Variants in PREP observed in about 807,000 individuals in gnomAD.
The protein encoded by PREP is prolyl endopeptidase, also known as dJ355L5.1 (prolyl endopeptidase).
PREP carries 29 observed loss-of-function variants against 87.6 expected under a neutral mutation model. The ratio of observed to expected loss-of-function variants is 0.33; its 90% CI spans 0.25 to 0.45. The LOEUF (loss-of-function observed/expected upper bound fraction) is 0.45. Among genes scored for constraint, PREP ranks in the 20% least tolerant of loss-of-function variants. The pLI is 1.00. For missense variants in PREP, 695 were observed against 886.5 expected (o/e 0.78, Z 2.74); for synonymous variants, 337 against 328.6 (o/e 1.03, Z -0.28).
chr6:105,306,116 T>G (rs947642730), intron 10 of PREP, among the ~76,000 whole-genome samples: 1 of 152,170 alleles, frequency 6.6e-6, no homozygotes, highest in Non-Finnish European at 1.5e-5. Context: ...GTGCTGGGAT[T>G]ACAAGCGTGA....
At chr6:105,357,167 C>T (rs1211066532) in intron 6 of PREP, among the ~76,000 whole-genome samples, 1 of 152,162 alleles carries the variant, frequency 6.6e-6, no homozygotes, top group South Asian at 2.1e-4. Context: ...CAATTATAAT[C>T]TTATTAATAT....
intron 2 of PREP, among the ~76,000 whole-genome samples, chr6:105,390,208 CG>C (rs34721799): frequency 6.6e-6 from 1 of 152,074 alleles, no homozygotes; most frequent in African/African-American, 2.4e-5. Context: ...GCAGGTGTAA[CG>C]GGGTCACTTC....
intron 2 of PREP, among the ~76,000 whole-genome samples, chr6:105,392,527 T>C (rs925618860): frequency 7.2e-5 from 11 of 152,268 alleles, no homozygotes; most frequent in Non-Finnish European, 1.5e-4. Flanking sequence ...ACTTTTGGCG[T>C]TTAGTTTGTA....
Position 105,369,458 on chromosome 6 carries a change from G to A in PREP, c.596-434C>T, listed in dbSNP as rs115848309. 5.2e-3 allele frequency among the ~76,000 whole-genome samples: 794 copies of A among 152,300 alleles called. 10 individuals carry two copies. The highest frequency in any genetic ancestry group is 0.017 in the African/African-American group (721 of 41,558). Reference sequence around the variant, plus strand: ...AACATATTTTGTGGATTGACAAACTGATTCTAAAGTTCACATGCAAAGGCA... The same window carrying A: ...AACATATTTTGTGGATTGACAAACTAATTCTAAAGTTCACATGCAAAGGCA... On this transcript the variant is annotated intron_variant, in intron 5 of 14. Transcript: ENST00000652536.
intron 14 of PREP, chr6:105,280,550 A>T (rs1770056749): frequency 6.6e-6 from 1 of 152,220 alleles, no homozygotes; most frequent in Non-Finnish European, 1.5e-5. Context: ...AGTTTCAAAC[A>T]TATGTAGCTA....
At chr6:105,383,413 G>T (rs145909823) in intron 2 of PREP, among the ~76,000 whole-genome samples, 2 of 152,124 alleles carry the variant, frequency 1.3e-5, no homozygotes, top group Non-Finnish European at 2.9e-5. Context: ...CTCACCACAT[G>T]AAGTGCTTTC....
At chr6:105,315,577 CCTTTGGAA>C (rs978122432) in intron 10 of PREP, among the ~76,000 whole-genome samples, 2 of 152,284 alleles carry the variant, frequency 1.3e-5, no homozygotes, top group Admixed American at 1.3e-4. Context: ...ATCAACCTGT[CCTTTGGAA>C]CTTTGGAACT....
intron 10 of PREP, 120 bp downstream of exon 10, chr6:105,323,545 C>G (rs1382441008): frequency 2.2e-6 from 2 of 901,524 alleles, no homozygotes; most frequent in African/African-American, 3.3e-5. Flanking sequence ...ACCGTGGGGG[C>G]TACAAAATAC....
At chr6:105,332,249 G>C (rs568535505) in intron 8 of PREP, among the ~76,000 whole-genome samples, 5 of 152,220 alleles carry the variant, frequency 3.3e-5, no homozygotes, top group African/African-American at 1.2e-4. Flanking sequence ...AGTGCCCATA[G>C]CAACCTGTGA....
intron 7 of PREP, among the ~76,000 whole-genome samples, chr6:105,349,155 C>T (rs192997370): frequency 6.6e-6 from 1 of 152,234 alleles, no homozygotes; most frequent in African/African-American, 2.4e-5. Flanking sequence ...TAAGAAGGAG[C>T]AATTGCCAGC....
intron 3 of PREP, among the ~76,000 whole-genome samples, 176 bp downstream of exon 3, chr6:105,377,210 C>G (rs1268945334): frequency 6.6e-6 from 1 of 152,094 alleles, no homozygotes; most frequent in Non-Finnish European, 1.5e-5. Flanking sequence ...ATTATTTTAA[C>G]AATTTGGACA....
Position 105,375,340 on chromosome 6 carries a change from A to T in PREP, c.385+785T>A, listed in dbSNP as rs151149329. On this transcript the variant is annotated intron_variant, in intron 4 of 14. Transcript: ENST00000652536. Reference sequence around the variant, plus strand: ...AACTAATCATATGGTTTTTTCTATAAAACCAGAAGGTACTACAGGAGAAAT... The same window carrying T: ...AACTAATCATATGGTTTTTTCTATATAACCAGAAGGTACTACAGGAGAAAT... Among the ~76,000 whole-genome samples the T allele has an allele frequency of 6.3e-4, 96 of 152,324 alleles. No homozygotes were observed. The East Asian group carries it at 0.018, about 28-fold the overall frequency.
intron 10 of PREP, among the ~76,000 whole-genome samples, chr6:105,299,933 G>A (rs932188033): frequency 3.4e-5 from 5 of 148,086 alleles, no homozygotes; most frequent in African/African-American, 1.0e-4. Flanking sequence ...ATCTCACTCT[G>A]TTGTCCAGGC....
chr6:105,344,055 TA>T (rs1383865828), intron 7 of PREP, among the ~76,000 whole-genome samples: 1 of 152,192 alleles, frequency 6.6e-6, no homozygotes, highest in Non-Finnish European at 1.5e-5. Flanking sequence ...CGTGCTGCTA[TA>T]AAGACACATG....
At chr6:105,309,753 G>A (rs1209275336) in intron 10 of PREP, among the ~76,000 whole-genome samples, 2 of 152,174 alleles carry the variant, frequency 1.3e-5, no homozygotes, top group Non-Finnish European at 2.9e-5. Flanking sequence ...GCAGAATGGA[G>A]AAAACGCTCC....
rs534730552 is a variant in PREP, at chr6:105,373,680, A to G, written c.386-102T>C. 151 of 1,162,714 alleles carry G rather than the reference A, an allele frequency of 1.3e-4. No homozygotes were observed. The Middle Eastern group carries it at 2.0e-3, about 15-fold the overall frequency. The allele number at this position is 1,162,714 out of a possible 1,614,324, so 72.0% of individuals were successfully genotyped here. On this transcript the variant is annotated intron_variant, in intron 4 of 14. Coordinates refer to ENST00000652536, the MANE Select transcript of PREP (RefSeq NM_002726.5). ...CTCTCTTTCATAACACGGAGGTAGA[A>G]TGTGGCAATAAAAGGAATAGGAATC...
chr6:105,294,274 C>T (rs1770361697), intron 10 of PREP, among the ~76,000 whole-genome samples: 1 of 152,198 alleles, frequency 6.6e-6, no homozygotes, highest in Admixed American at 6.5e-5. Context: ...AATACATATC[C>T]TACATACTCT....
chr6:105,337,033 G>A (rs1771501604), intron 7 of PREP, among the ~76,000 whole-genome samples: 1 of 151,738 alleles, frequency 6.6e-6, no homozygotes, highest in Admixed American at 6.6e-5. Flanking sequence ...ATTTTTTACA[G>A]TATCTTATTT....
intron 10 of PREP, chr6:105,322,980 C>T (rs1771051192): frequency 2.2e-5 from 28 of 1,299,894 alleles, no homozygotes; most frequent in Non-Finnish European, 2.7e-5. Flanking sequence ...TCCAGCCCTC[C>T]AGGTGGGAGG....
Sources: gnomAD v4.1 joint callset for allele counts (sites outside exome capture counted in the v4.1 genomes callset) on GRCh38, gnomAD v4.1.1 for gene constraint, MANE v1.5 for transcripts, NCBI Gene and HGNC (gene_info 2026-07-23, HGNC 2026-07-21) for gene names.